The following NTRK3 variants were observed in gnomAD, a reference collection of about 807,000 sequenced individuals.
The protein encoded by NTRK3 is NT-3 growth factor receptor.
A neutral mutation model predicts 91.7 loss-of-function variants in NTRK3; 24 were observed. The ratio of observed to expected loss-of-function variants is 0.26; its 90% confidence interval spans 0.19 to 0.37. NTRK3 has a LOEUF of 0.37. Among genes scored for constraint, NTRK3 ranks in the 10% least tolerant of loss-of-function variants. The pLI is 1.00. For synonymous variants in NTRK3, 483 were observed against 404.0 expected, an observed-to-expected ratio of 1.20 and a Z score of -2.34; for missense variants, 880 against 1,068.9, an observed-to-expected ratio of 0.82 and a Z score of 2.46.
intron 14 of NTRK3, among the ~76,000 whole-genome samples, chr15:88,025,056 C>A (rs2077915244): frequency 6.6e-6 from 1 of 152,230 alleles, no homozygotes; most frequent in African/African-American, 2.4e-5. Flanking sequence ...GCCACACACA[C>A]ACACACACAA....
intron 14 of NTRK3, among the ~76,000 whole-genome samples, chr15:87,967,752 T>C (rs1205678838): frequency 2.0e-5 from 3 of 152,352 alleles, no homozygotes; most frequent in Admixed American, 6.5e-5. Flanking sequence ...TTTCTTATAA[T>C]AGGTGAAGTC....
At chr15:88,046,309 C>T (rs2080191129) in intron 13 of NTRK3, among the ~76,000 whole-genome samples, 1 of 152,140 alleles carries the variant, frequency 6.6e-6, no homozygotes, top group South Asian at 2.1e-4. Flanking sequence ...CTTTCCTGCC[C>T]ATGTGCTCAC....
intron 16 of NTRK3, 136 bp from the exon 17 acceptor site, chr15:87,929,570 AT>A (rs2068616205): frequency 1.8e-6 from 2 of 1,124,692 alleles, no homozygotes; most frequent in Non-Finnish European, 2.5e-6. Context: ...CCTATGGCTT[AT>A]TTTTATCTGC....
chr15:88,248,919 G>A (rs1175915377), intron 3 of NTRK3, among the ~76,000 whole-genome samples: 1 of 152,180 alleles, frequency 6.6e-6, no homozygotes, highest in African/African-American at 2.4e-5. Flanking sequence ...CTTCAACAGG[G>A]TGCTTACATA....
At chr15:88,033,688 TA>T (rs2142038194) in intron 13 of NTRK3, among the ~76,000 whole-genome samples, 1 of 152,202 alleles carries the variant, frequency 6.6e-6, no homozygotes, top group South Asian at 2.1e-4. Flanking sequence ...AGAACCACCC[TA>T]AATTCTCTTT....
chr15:87,913,381 C>G (rs180852387), intron 17 of NTRK3, among the ~76,000 whole-genome samples: 7 of 152,216 alleles, frequency 4.6e-5, no homozygotes, highest in African/African-American at 1.4e-4. Context: ...GCATGCCTAA[C>G]AGGGTCCAGC....
intron 13 of NTRK3, among the ~76,000 whole-genome samples, chr15:88,048,071 A>G (rs2080412386): frequency 6.6e-6 from 1 of 152,166 alleles, no homozygotes; most frequent in African/African-American, 2.4e-5. Flanking sequence ...TGTCCTTCTT[A>G]GGCAGTCAAT....
intron 14 of NTRK3, among the ~76,000 whole-genome samples, chr15:88,015,299 G>A (rs111547534): frequency 5.9e-4 from 90 of 152,326 alleles, no homozygotes; most frequent in African/African-American, 1.9e-3. Context: ...TAATTATTGT[G>A]TCAATAAGCT....
chr15:88,132,053 A>C (rs2041410102), intron 10 of NTRK3: 1 of 194,868 alleles, frequency 5.1e-6, no homozygotes, highest in South Asian at 1.9e-4. Flanking sequence ...TCTTCACCAC[A>C]ACCTTTAAGG....
chr15:88,139,290 G>A (rs754192761), intron 6 of NTRK3, among the ~76,000 whole-genome samples: 8 of 152,268 alleles, frequency 5.3e-5, no homozygotes, highest in East Asian at 3.9e-4. Context: ...AAAGGGCACC[G>A]GATAAATCTG....
rs546176121 is a variant in NTRK3 at position 88,242,750 on chromosome 15, T to C, written c.248+13156A>G. On this transcript the variant is annotated intron_variant, in intron 3 of 18. Coordinates refer to ENST00000394480, the Ensembl canonical transcript of NTRK3. ...GCCCTGCTAGCGCATCTGCTCATTC[T>C]TCCCCAACAGTCCAGATGCTAGGAT... Among the ~76,000 whole-genome samples, 6 of 152,328 alleles carry C rather than the reference T, an allele frequency of 3.9e-5. No homozygotes were observed. In the South Asian group the frequency reaches 1.2e-3, roughly 32 times the overall value.
intron 14 of NTRK3, among the ~76,000 whole-genome samples, chr15:87,983,947 C>T (rs1438593303): frequency 1.3e-5 from 2 of 152,240 alleles, no homozygotes; most frequent in Admixed American, 6.5e-5. Context: ...AATTCTATCC[C>T]TGGTGGCTTC....
rs2053385359 is a variant in NTRK3 at position 88,127,237 on chromosome 15, AAC to A, written c.1229-13_1229-12del. The A allele has an allele frequency of 6.2e-7, 1 of 1,613,462 alleles. No homozygotes were observed. The highest frequency in any genetic ancestry group is 8.5e-7 in the Non-Finnish European group (1 of 1,179,706). The stretch of plus-strand genomic sequence containing the variant: ...GACTCACTTCGTCAACTGAAAACCA[AAC>A]ACAAAAAGGAGGAGGACAGTTAGCT... On this transcript the variant is annotated splice_polypyrimidine_tract_variant and intron_variant, in intron 11 of 18. Transcript: ENST00000394480.
chr15:88,142,884 G>A (rs373226730), intron 6 of NTRK3, among the ~76,000 whole-genome samples: 128 of 152,230 alleles, frequency 8.4e-4, no homozygotes, highest in Non-Finnish European at 1.5e-3. Context: ...GATCACTCTC[G>A]ATTTCAGGTG....
chr15:88,128,829 CCAT>C (rs2053548210), intron 10 of NTRK3, 95 bp from the exon 11 acceptor site: 1 of 1,098,128 alleles, frequency 9.1e-7, no homozygotes, highest in Non-Finnish European at 1.4e-6. Context: ...CTCCCATTCA[CCAT>C]GATTCCCTGT....
At chr15:87,975,036 A>G (rs2073604006) in intron 14 of NTRK3, among the ~76,000 whole-genome samples, 1 of 152,164 alleles carries the variant, frequency 6.6e-6, no homozygotes, top group Non-Finnish European at 1.5e-5. Context: ...AAGCTGTGGA[A>G]ACCTGAGCTA....
chr15:88,028,426 T>C (rs1011327903), intron 14 of NTRK3, among the ~76,000 whole-genome samples: 4 of 152,030 alleles, frequency 2.6e-5, no homozygotes, highest in Admixed American at 6.5e-5. Flanking sequence ...CAAAGGAACA[T>C]GGTCAGGTTT....
chr15:88,184,117 A>G, intron 4 of NTRK3, 108 bp downstream of exon 4: 1 of 1,073,936 alleles, frequency 9.3e-7, no homozygotes, highest in East Asian at 2.6e-5. Context: ...TGGGGGAGAA[A>G]GCACGGATGG....
At chr15:88,009,608 G>A (rs1315292281) in intron 14 of NTRK3, among the ~76,000 whole-genome samples, 1 of 152,138 alleles carries the variant, frequency 6.6e-6, no homozygotes, top group African/African-American at 2.4e-5. Flanking sequence ...TAGGCCACAG[G>A]ACACACCCCT....
Sources: gnomAD v4.1 joint callset for allele counts (sites outside exome capture counted in the v4.1 genomes callset) on GRCh38, gnomAD v4.1.1 for gene constraint, MANE v1.5 for transcripts, NCBI Gene and HGNC (gene_info 2026-07-23, HGNC 2026-07-21) for gene names.